ENPEP: variants seen among roughly 807,000 people sequenced by gnomAD.
ENPEP encodes the protein glutamyl aminopeptidase.
A neutral mutation model predicts 114.5 loss-of-function variants in ENPEP; 103 were observed. The ratio of observed to expected loss-of-function variants is 0.90; its 90% CI spans 0.77 to 1.06. ENPEP has a LOEUF of 1.06. ENPEP is among the 50% of genes least tolerant of loss of function. The probability of loss-of-function intolerance (pLI) is 0.00; values close to 1 mark genes in which losing one functional copy is unlikely to be tolerated. For missense variants in ENPEP, 1,196 were observed against 1,161.3 expected (o/e 1.03, Z -0.43); for synonymous variants, 420 against 422.0 (o/e 1.00, Z 0.06).
chr4:110,532,638 G>T (rs1410606463), intron 11 of ENPEP, among the ~76,000 whole-genome samples: 2 of 151,748 alleles, frequency 1.3e-5, no homozygotes, highest in Non-Finnish European at 2.9e-5. Flanking sequence ...AACGTTTATT[G>T]TTAACAGTTT....
intron 11 of ENPEP, among the ~76,000 whole-genome samples, chr4:110,540,892 G>A (rs1302337158): frequency 1.3e-5 from 2 of 152,058 alleles, no homozygotes; most frequent in East Asian, 1.9e-4. Context: ...TTTTGTCCCT[G>A]TCTTCCTTGG....
intron 18 of ENPEP, among the ~76,000 whole-genome samples, chr4:110,557,736 A>G (rs1727527979): frequency 6.6e-6 from 1 of 152,232 alleles, no homozygotes; most frequent in African/African-American, 2.4e-5. Context: ...ATCACATTTT[A>G]GATAATGACT....
chr4:110,489,418 G>T (rs960215699), intron 2 of ENPEP, among the ~76,000 whole-genome samples: 1 of 152,170 alleles, frequency 6.6e-6, no homozygotes, highest in Middle Eastern at 3.4e-3. Flanking sequence ...AGGGGTGGGG[G>T]GCTAGGGGAG....
intron 11 of ENPEP, chr4:110,533,009 C>T (rs911306373): frequency 1.7e-5 from 7 of 410,028 alleles, no homozygotes; most frequent in Middle Eastern, 3.5e-4. Context: ...ATAATAAGAA[C>T]GTTAGAATTC....
At chr4:110,532,863 T>C (rs2110376255) in intron 11 of ENPEP, among the ~76,000 whole-genome samples, 1 of 152,310 alleles carries the variant, frequency 6.6e-6, no homozygotes, top group East Asian at 1.9e-4. Flanking sequence ...TTTTATGCTG[T>C]GTTTCAATGC....
rs1284270238 is a variant in ENPEP, at chr4:110,562,713, T to C, written c.*1155T>C. 2 of 152,170 alleles carry C rather than the reference T, an allele frequency of 1.3e-5. No homozygotes were observed. The highest frequency in any genetic ancestry group is 2.9e-5 in the Non-Finnish European group (2 of 68,016). 9.4% of individuals were successfully genotyped at this position (152,170 alleles called of 1,614,324 possible). ...TTCATAGAAGCTGGTGGCAAGAATA[T>C]GTTTAATATGGCACTTGATACCTCC... On this transcript the variant is annotated 3_prime_UTR_variant, in exon 20 of 20. Coordinates refer to ENST00000265162, the MANE Select transcript of ENPEP (RefSeq NM_001977.4).
intron 11 of ENPEP, among the ~76,000 whole-genome samples, chr4:110,538,346 A>C (rs1464199083): frequency 6.6e-6 from 1 of 152,208 alleles, no homozygotes; most frequent in African/African-American, 2.4e-5. Flanking sequence ...TTCACCTTGA[A>C]CTTTTATGTT....
At chr4:110,524,629 T>A (rs907542992) in intron 10 of ENPEP, among the ~76,000 whole-genome samples, 26 of 152,248 alleles carry the variant, frequency 1.7e-4, no homozygotes, top group Admixed American at 1.7e-3. Context: ...ATTTTCATTA[T>A]GTTAAAAATC....
In ENPEP at chr4:110,563,907, A is replaced by G. The variant is rs576128190; in HGVS notation, c.*2349A>G. 4 of 152,302 alleles carry G rather than the reference A, an allele frequency of 2.6e-5. No homozygotes were observed. The South Asian group carries it at 8.3e-4, about 32-fold the overall frequency. 9.4% of individuals were successfully genotyped at this position (152,302 alleles called of 1,614,324 possible). ...ATGTATACCTGGGTTGAAGGTAATGATACTCCTACAGCTTACCCTCCAAGT... is the reference window on the plus strand; with the variant it reads ...ATGTATACCTGGGTTGAAGGTAATGGTACTCCTACAGCTTACCCTCCAAGT... On this transcript the variant is annotated 3_prime_UTR_variant, in exon 20 of 20. Coordinates refer to ENST00000265162, the MANE Select transcript of ENPEP (RefSeq NM_001977.4).
intron 3 of ENPEP, among the ~76,000 whole-genome samples, chr4:110,495,499 T>C (rs1724893590): frequency 6.6e-6 from 1 of 152,108 alleles, no homozygotes; most frequent in Non-Finnish European, 1.5e-5. Flanking sequence ...GGTGTGCAGA[T>C]TACTTGAGGT....
chr4:110,491,243 T>G, intron 3 of ENPEP, 79 bp downstream of exon 3: 1 of 1,448,374 alleles, frequency 6.9e-7, no homozygotes, highest in Non-Finnish European at 9.2e-7. Context: ...TAGTTTTTTT[T>G]TTTTTTTTTC....
At chr4:110,498,093 A>G (rs879587838) in intron 3 of ENPEP, among the ~76,000 whole-genome samples, 3 of 152,206 alleles carry the variant, frequency 2.0e-5, no homozygotes, top group Non-Finnish European at 4.4e-5. Context: ...TATTGTGTAC[A>G]TTTTTATTGA....
At chr4:110,518,315 C>CT (rs1208283530) in intron 8 of ENPEP, among the ~76,000 whole-genome samples, 1 of 152,124 alleles carries the variant, frequency 6.6e-6, no homozygotes, top group Non-Finnish European at 1.5e-5. Context: ...ATCAGTAGTA[C>CT]TGTCAATAAG....
intron 14 of ENPEP, 140 bp from the exon 15 acceptor site, chr4:110,549,206 A>C (rs1727189561): frequency 2.9e-6 from 2 of 685,148 alleles, no homozygotes; most frequent in Admixed American, 2.9e-5. Context: ...AATTAAATAC[A>C]TTGTTTTTCT....
intron 18 of ENPEP, 51 bp from the exon 19 acceptor site, chr4:110,559,596 A>G: frequency 7.9e-7 from 1 of 1,258,380 alleles, no homozygotes; most frequent in East Asian, 2.3e-5. Context: ...TAGAGAAAAT[A>G]TGTAACATTC....
chr4:110,514,813 T>C (rs1725700561), intron 7 of ENPEP, among the ~76,000 whole-genome samples: 1 of 152,114 alleles, frequency 6.6e-6, no homozygotes, highest in Non-Finnish European at 1.5e-5. Flanking sequence ...AGAGCCAAGA[T>C]GTTCATCAGA....
chr4:110,496,113 G>C (rs1724927388), intron 3 of ENPEP, among the ~76,000 whole-genome samples: 1 of 152,108 alleles, frequency 6.6e-6, no homozygotes, highest in Non-Finnish European at 1.5e-5. Context: ...TCTGTGAATG[G>C]GTTCTTCCTA....
chr4:110,496,390 G>A (rs1222873195), intron 3 of ENPEP, among the ~76,000 whole-genome samples: 3 of 152,108 alleles, frequency 2.0e-5, no homozygotes, highest in Non-Finnish European at 4.4e-5. Flanking sequence ...TTTACAGAGA[G>A]TTGCAAAGAC....
chr4:110,533,079 A>G (rs771920193), intron 11 of ENPEP: 1 of 452,494 alleles, frequency 2.2e-6, no homozygotes, highest in South Asian at 1.6e-5. Flanking sequence ...CCCATTGGTC[A>G]CCATAGTTAA....
Sources: gnomAD v4.1 joint callset for allele counts (sites outside exome capture counted in the v4.1 genomes callset) on GRCh38, gnomAD v4.1.1 for gene constraint, MANE v1.5 for transcripts, NCBI Gene and HGNC (gene_info 2026-07-23, HGNC 2026-07-21) for gene names.